The following HTT variants were observed in gnomAD, a reference collection of about 807,000 sequenced individuals.
HTT encodes huntingtin, also known as huntington disease protein.
In HTT, 104 loss-of-function variants were observed where a neutral mutation model predicts 362.3. That is an observed-to-expected ratio of 0.29 (90% CI 0.24 to 0.34). HTT has a LOEUF of 0.34. Ranked by LOEUF, HTT falls within the 10% of genes least tolerant of loss-of-function variation. The pLI, the probability that HTT is intolerant of heterozygous loss-of-function variation, is 1.00. For synonymous variants in HTT, 1,577 were observed against 1,548.7 expected (o/e 1.02, Z -0.43); for missense variants, 3,301 against 3,928.6 (o/e 0.84, Z 4.27).
chr4:3,170,178 C>T (rs1034566962), intron 29 of HTT, among the ~76,000 whole-genome samples: 2 of 152,100 alleles, frequency 1.3e-5, no homozygotes, highest in Non-Finnish European at 2.9e-5. Flanking sequence ...TTTGTGTTCC[C>T]ATAGATCTTC....
intron 40 of HTT, among the ~76,000 whole-genome samples, chr4:3,194,280 G>A (rs561041267): frequency 2.0e-5 from 3 of 152,250 alleles, no homozygotes; most frequent in East Asian, 1.9e-4. Context: ...CCTCTTGTTG[G>A]GAGAGGAGGG....
chr4:3,121,368 G>A lies in HTT; in HGVS notation c.1209G>A (p.Gln403=), dbSNP rs1352608335. 1 of 1,614,180 alleles carries A rather than the reference G, an allele frequency of 6.2e-7. No individual in the cohort carries two copies. Among genetic ancestry groups the A allele is most frequent in the East Asian group, 2.2e-5 (1 of 44,866 alleles). ...QTLTAVGGIG[Q]LTAAKEESGG... is the part of the protein sequence containing the mutation. Reference sequence around the variant, plus strand: ...TGACCGCAGTCGGGGGCATTGGGCAGCTCACCGCTGCTAAGGAGGAGTCTG... The same window carrying A: ...TGACCGCAGTCGGGGGCATTGGGCAACTCACCGCTGCTAAGGAGGAGTCTG... Residue 403 remains glutamine (Q), a synonymous_variant, in exon 9 of 67, where the codon CAG becomes CAA. Transcript: ENST00000355072.
Position 3,199,957 on chromosome 4 carries a change from C to G in HTT, c.5576+18C>G. ...ACCCCGAAGTAGGTTCATAATGCCC[C>G]ACAGCCCAGGGCGCCAGCCCAGCAC... On this transcript the variant is annotated intron_variant, in intron 41 of 66. Coordinates refer to ENST00000355072, the MANE Select transcript of HTT (RefSeq NM_001388492.1). 6.2e-7 allele frequency: 1 copy of G among 1,600,258 alleles called. No individual in the cohort carries two copies. The highest frequency in any genetic ancestry group is 8.5e-7 in the Non-Finnish European group (1 of 1,172,102).
rs760722683 is a variant in HTT at position 3,121,257 on chromosome 4, G to A, written c.1098G>A (p.Gln366=). ...QVYELTLHHT[Q]HQDHNVVTGA... is the part of the protein sequence containing the mutation. ...ATGAACTGACGTTACATCATACACA[G>A]CACCAAGACCACAATGTTGTGACCG... is the stretch of plus-strand genomic sequence containing the variant. The change falls in exon 9 of 67, where the codon CAG becomes CAA. Residue 366 remains glutamine (Q), a synonymous_variant. Transcript: ENST00000355072. The A allele has an allele frequency of 6.2e-7, 1 of 1,614,008 alleles. No homozygotes were observed. Among genetic ancestry groups the A allele is most frequent in the Non-Finnish European group, 8.5e-7 (1 of 1,179,876 alleles).
intron 36 of HTT, among the ~76,000 whole-genome samples, chr4:3,181,164 G>A (rs983440559): frequency 6.6e-6 from 1 of 152,030 alleles, no homozygotes; most frequent in Admixed American, 6.5e-5. Flanking sequence ...TTACAGGCGT[G>A]AGCCACCATG....
At chr4:3,129,350 G>C (rs889342671) in intron 12 of HTT, 1 of 153,164 alleles carries the variant, frequency 6.5e-6, no homozygotes, top group Non-Finnish European at 1.5e-5. Context: ...TAGTATAGTA[G>C]TTAACAAACT....
At chr4:3,133,681 C>T (rs1715932381) in intron 18 of HTT, among the ~76,000 whole-genome samples, 1 of 152,178 alleles carries the variant, frequency 6.6e-6, no homozygotes, top group Non-Finnish European at 1.5e-5. Flanking sequence ...TACCAACTGG[C>T]TCATAAGTCA....
At chr4:3,130,927 G>A (rs1715780521) in intron 14 of HTT, among the ~76,000 whole-genome samples, 1 of 152,094 alleles carries the variant, frequency 6.6e-6, no homozygotes, top group African/African-American at 2.4e-5. Flanking sequence ...TCCCCAGGCT[G>A]TTGCCTTTCC....
At chr4:3,091,739 G>C (rs1429673132) in intron 2 of HTT, among the ~76,000 whole-genome samples, 11 of 152,184 alleles carry the variant, frequency 7.2e-5, no homozygotes, top group Admixed American at 7.2e-4. Context: ...GTAATCAGTA[G>C]ACTGAAACTG....
chr4:3,108,750 A>G (rs1039619062), intron 6 of HTT, among the ~76,000 whole-genome samples: 2 of 152,140 alleles, frequency 1.3e-5, no homozygotes, highest in African/African-American at 4.8e-5. Flanking sequence ...TGGTTATTCA[A>G]ATTTATTATC....
chr4:3,179,445 GC>G (rs985078256), intron 35 of HTT, among the ~76,000 whole-genome samples: 2 of 152,152 alleles, frequency 1.3e-5, no homozygotes, highest in African/African-American at 4.8e-5. Context: ...ATGCGTGCAT[GC>G]CACCGAAGGG....
At chr4:3,091,405 A>G (rs1321023455) in intron 2 of HTT, among the ~76,000 whole-genome samples, 1 of 152,266 alleles carries the variant, frequency 6.6e-6, no homozygotes, top group Non-Finnish European at 1.5e-5. Context: ...TCTTTAAAAA[A>G]TGTAATCTTA....
intron 21 of HTT, among the ~76,000 whole-genome samples, chr4:3,139,940 A>C (rs1191288367): frequency 6.6e-6 from 1 of 152,204 alleles, no homozygotes; most frequent in East Asian, 1.9e-4. Context: ...AAAGGGATTA[A>C]ATTTTATGAC....
chr4:3,160,941 C>CT (rs1717411363), intron 29 of HTT, among the ~76,000 whole-genome samples: 1 of 152,032 alleles, frequency 6.6e-6, no homozygotes, highest in African/African-American at 2.4e-5. Flanking sequence ...ATTTATTATA[C>CT]TTTAAGTTCT....
At chr4:3,105,950 A>C (rs1714401186) in intron 5 of HTT, among the ~76,000 whole-genome samples, 1 of 152,228 alleles carries the variant, frequency 6.6e-6, no homozygotes, top group Non-Finnish European at 1.5e-5. Flanking sequence ...ACTTTTCATC[A>C]GCTCCCTCCT....
At chr4:3,195,844 G>A (rs577056876) in intron 40 of HTT, among the ~76,000 whole-genome samples, 8 of 152,256 alleles carry the variant, frequency 5.3e-5, no homozygotes, top group African/African-American at 1.9e-4. Context: ...GTGTCTGGTT[G>A]GGGACAAGGA....
chr4:3,236,703 A>T (rs1578618552), intron 64 of HTT, among the ~76,000 whole-genome samples: 2 of 152,098 alleles, frequency 1.3e-5, no homozygotes, highest in African/African-American at 4.8e-5. Flanking sequence ...CGGCAGGAGG[A>T]TGAAGGTGGA....
In HTT at chr4:3,238,940, C is replaced by A; in HGVS notation, c.9177C>A (p.Phe3059Leu). 1 of 1,610,136 alleles carries A rather than the reference C, an allele frequency of 6.2e-7. No individual in the cohort carries two copies. Among genetic ancestry groups the A allele is most frequent in the Non-Finnish European group, 8.5e-7 (1 of 1,179,246 alleles). Residue 3059 changes from phenylalanine to leucine, a missense_variant, in exon 66 of 67, where the codon TTC (phenylalanine) becomes TTA (leucine). This residue lies in a region of HTT where 753 missense variants were observed against 1,021.3 expected (regional missense o/e 0.74). Coordinates refer to ENST00000355072, the MANE Select transcript of HTT (RefSeq NM_001388492.1). ...VAMATWSLSC[F>L]FVSASTSPWV... ...TGGCCACGTGGAGCCTCTCCTGCTTCTTTGTCAGCGCGTCCACCAGCCCGT... is the reference window on the plus strand; with the variant it reads ...TGGCCACGTGGAGCCTCTCCTGCTTATTTGTCAGCGCGTCCACCAGCCCGT...
chr4:3,130,023 G>A lies in HTT; in HGVS notation c.1843G>A (p.Glu615Lys), dbSNP rs576787839. ...ATGILPDEAS[E>K]AFRNSSMALQ... ...AGGTATTCTTCCTGATGAAGCCTCGGAGGCCTTCAGGAACTCTTCCATGGG... is the reference window on the plus strand; with the variant it reads ...AGGTATTCTTCCTGATGAAGCCTCGAAGGCCTTCAGGAACTCTTCCATGGG... Residue 615 changes from glutamate (E) to lysine (K), a missense_variant, in exon 13 of 67, where the codon GAG (glutamate) becomes AAG (lysine). Physicochemically the swap from Glu to Lys is moderately conservative, Grantham distance 56. Around this residue, in one of 4 missense-constraint regions of HTT, gnomAD observed 2,316 missense variants for 2,658.5 expected, o/e 0.87. Coordinates refer to ENST00000355072, the MANE Select transcript of HTT (RefSeq NM_001388492.1). The A allele has an allele frequency of 1.4e-5, 22 of 1,612,536 alleles. No individual in the cohort carries two copies. The South Asian group carries it at 2.2e-4, about 16-fold the overall frequency.
Sources: gnomAD v4.1 joint callset for allele counts (sites outside exome capture counted in the v4.1 genomes callset) on GRCh38, gnomAD v4.1.1 for gene constraint, gnomAD v4.1.1 regional missense constraint, MANE v1.5 for transcripts, NCBI Gene and HGNC (gene_info 2026-07-23, HGNC 2026-07-21) for gene names.